PACSIN1: variants seen among roughly 807,000 people sequenced by gnomAD.
PACSIN1 encodes protein kinase C and casein kinase substrate in neurons 1, also known as protein kinase C and casein kinase substrate in neurons protein 1.
In PACSIN1, 15 loss-of-function variants were observed where a neutral mutation model predicts 59.5. That is an observed-to-expected ratio of 0.25 (90% CI 0.17 to 0.39). PACSIN1 has a LOEUF of 0.39. Among genes scored for constraint, PACSIN1 ranks in the 10% least tolerant of loss-of-function variants. PACSIN1 has a pLI of 1.00. For missense variants in PACSIN1, 420 were observed against 580.2 expected, an observed-to-expected ratio of 0.72 and a Z score of 2.84; for synonymous variants, 210 against 220.6, an observed-to-expected ratio of 0.95 and a Z score of 0.42.
intron 1 of PACSIN1, among the ~76,000 whole-genome samples, chr6:34,519,920 C>T (rs1376602552): frequency 1.3e-5 from 2 of 152,114 alleles, no homozygotes; most frequent in African/African-American, 4.8e-5. Flanking sequence ...CACTCCTGAA[C>T]CAGCAAGACT....
At chr6:34,468,507 C>G (rs1766527940) in intron 1 of PACSIN1, among the ~76,000 whole-genome samples, 1 of 152,242 alleles carries the variant, frequency 6.6e-6, no homozygotes, top group Non-Finnish European at 1.5e-5. Flanking sequence ...CCACCATTCC[C>G]ACACCCAGGC....
Position 34,529,987 on chromosome 6 carries a change from G to C in PACSIN1, c.788+146G>C. On this transcript the variant is annotated intron_variant, in intron 6 of 9. Coordinates refer to ENST00000244458, the MANE Select transcript of PACSIN1 (RefSeq NM_020804.5). The surrounding 1 kb of genome is among the most constrained non-coding windows in gnomAD (Gnocchi z 6.3). ...AAGAAGGATGAGGCTTCAAACACAGGGGCTGTTGAGTGCAAGCTGACGCAC... is the reference window on the plus strand; with the variant it reads ...AAGAAGGATGAGGCTTCAAACACAGCGGCTGTTGAGTGCAAGCTGACGCAC... 1.0e-6 allele frequency: 1 copy of C among 1,003,108 alleles called. No homozygotes were observed. Among genetic ancestry groups the C allele is most frequent in the Non-Finnish European group, 1.5e-6 (1 of 686,966 alleles). 62.1% of individuals were successfully genotyped at this position (1,003,108 alleles called of 1,614,324 possible).
At chr6:34,491,951 T>C (rs2127253204) in intron 1 of PACSIN1, among the ~76,000 whole-genome samples, 1 of 152,282 alleles carries the variant, frequency 6.6e-6, no homozygotes, top group Non-Finnish European at 1.5e-5. Context: ...TTCCCTTTTT[T>C]TGCTATTGTG....
intron 1 of PACSIN1, among the ~76,000 whole-genome samples, chr6:34,470,475 G>C (rs1359770249): frequency 6.6e-6 from 1 of 151,792 alleles, no homozygotes; most frequent in Non-Finnish European, 1.5e-5. Context: ...CACCGCACCT[G>C]GCCTACCTTG....
At chr6:34,472,014 T>C (rs1433352911) in intron 1 of PACSIN1, among the ~76,000 whole-genome samples, 1 of 152,096 alleles carries the variant, frequency 6.6e-6, no homozygotes, top group African/African-American at 2.4e-5. Context: ...CACGTACTGA[T>C]AAGTTAAAGC....
In PACSIN1 at chr6:34,518,116, G is replaced by A. The variant is rs1320821380; in HGVS notation, c.-63-8127G>A. Among the ~76,000 whole-genome samples the A allele has an allele frequency of 2.6e-5, 4 of 152,202 alleles. No individual in the cohort carries two copies. The highest frequency in any genetic ancestry group is 5.9e-5 in the Non-Finnish European group (4 of 68,038). ...TCTTCCTTTTCTCCAATCCAGCTGT[G>A]ACCAGAGCTGCTCTGCCCGGCCAGG... is the stretch of plus-strand genomic sequence containing the variant. On this transcript the variant is annotated intron_variant, in intron 1 of 9. Transcript: ENST00000244458. The surrounding 1 kb of genome is among the most constrained non-coding windows in gnomAD (Gnocchi z 4.4).
intron 1 of PACSIN1, among the ~76,000 whole-genome samples, chr6:34,519,418 A>G (rs1219190936): frequency 6.6e-6 from 1 of 152,162 alleles, no homozygotes; most frequent in Non-Finnish European, 1.5e-5. Flanking sequence ...ATGGAGGTCC[A>G]GGGGACTGGT....
rs369607459 is a variant in PACSIN1, at chr6:34,467,652, G to A, written c.-64+1382G>A. ...CAGCTCACCGCAACCTCTGCCTCCC[G>A]GGTTCAAGCGATTCTCCTGCCTCAG... is the stretch of plus-strand genomic sequence containing the variant. On this transcript the variant is annotated intron_variant, in intron 1 of 9. Coordinates refer to ENST00000244458, the MANE Select transcript of PACSIN1 (RefSeq NM_020804.5). 4.9e-5 allele frequency among the ~76,000 whole-genome samples: 7 copies of A among 142,292 alleles called. No homozygotes were observed. The East Asian group carries it at 8.9e-4, about 18-fold the overall frequency. The allele number at this position is 142,292 out of a possible 152,430, so 93.3% of individuals were successfully genotyped here.
chr6:34,466,410 G>A (rs1342978335), intron 1 of PACSIN1, 140 bp downstream of exon 1: 1 of 152,570 alleles, frequency 6.6e-6, no homozygotes, highest in Non-Finnish European at 1.5e-5. Context: ...GTTGCCTGGA[G>A]AGAAGCGGGT....
chr6:34,469,822 G>A (rs1766547070), intron 1 of PACSIN1, among the ~76,000 whole-genome samples: 2 of 152,362 alleles, frequency 1.3e-5, no homozygotes, highest in South Asian at 2.1e-4. Context: ...GGGCTGAAGG[G>A]ACAAGATCAA....
intron 2 of PACSIN1, 139 bp from the exon 3 acceptor site, chr6:34,527,187 GGGGGGC>G (rs1185214494): frequency 8.4e-6 from 7 of 833,086 alleles, no homozygotes; most frequent in Non-Finnish European, 1.0e-5. Context: ...GCCGCGGGGC[GGGGGGC>G]GGGGGCGGGG....
intron 1 of PACSIN1, among the ~76,000 whole-genome samples, chr6:34,470,337 C>T (rs1400528787): frequency 6.6e-6 from 1 of 151,776 alleles, no homozygotes; most frequent in African/African-American, 2.4e-5. Flanking sequence ...CCCACCACCA[C>T]GCCCGGCTAA....
At chr6:34,475,719 T>C (rs996833210) in intron 1 of PACSIN1, among the ~76,000 whole-genome samples, 2 of 152,208 alleles carry the variant, frequency 1.3e-5, no homozygotes, top group Admixed American at 6.5e-5. Flanking sequence ...TGCTGAGAGA[T>C]GGGTACCCCA....
At position 34,521,511 on chromosome 6, in the gene PACSIN1, CTCCT is replaced by C. The variant is rs1312980125; in HGVS notation, c.-63-4730_-63-4727del. Reference sequence around the variant, plus strand: ...AGGAGAGATGCCCTCCACGCTGGGGCTCCTTTGTCACTGAGGCCGCCATTACAGA... The same window carrying C: ...AGGAGAGATGCCCTCCACGCTGGGGCTTGTCACTGAGGCCGCCATTACAGA... On this transcript the variant is annotated intron_variant, in intron 1 of 9. Transcript: ENST00000244458. The surrounding 1 kb of genome is among the most constrained non-coding windows in gnomAD (Gnocchi z 4.3). Among the ~76,000 whole-genome samples, 1 of 152,202 alleles carries C rather than the reference CTCCT, an allele frequency of 6.6e-6. No individual in the cohort carries two copies. The highest frequency in any genetic ancestry group is 1.5e-5 in the Non-Finnish European group (1 of 68,040).
At chr6:34,527,607 A>AT in intron 3 of PACSIN1, 119 bp downstream of exon 3, 1 of 883,036 alleles carries the variant, frequency 1.1e-6, no homozygotes, top group Non-Finnish European at 1.6e-6. Flanking sequence ...GACACAGGAC[A>AT]TTTTCAGGCG....
At chr6:34,527,186 C>T in intron 2 of PACSIN1, 146 bp from the exon 3 acceptor site, 1 of 664,848 alleles carries the variant, frequency 1.5e-6, no homozygotes, top group Non-Finnish European at 1.9e-6. Context: ...CGCCGCGGGG[C>T]GGGGGGCGGG....
rs1436335298 is a variant in PACSIN1 at position 34,515,160 on chromosome 6, C to T, written c.-63-11083C>T. 6.6e-6 allele frequency: 1 copy of T among 152,568 alleles called. No homozygotes were observed. Among genetic ancestry groups the T allele is most frequent in the African/African-American group, 2.4e-5 (1 of 41,474 alleles). 9.5% of individuals were successfully genotyped at this position (152,568 alleles called of 1,614,324 possible). A position where few individuals can be genotyped will look rare whatever the true frequency, so the allele number is the denominator to read the frequency against. Reference sequence around the variant, plus strand: ...CCAGCGGCACCTGATAGGAGCCAAACAGGCCAGCTGGAGGGGCCGGGCCAG... The same window carrying T: ...CCAGCGGCACCTGATAGGAGCCAAATAGGCCAGCTGGAGGGGCCGGGCCAG... On this transcript the variant is annotated intron_variant, in intron 1 of 9. Coordinates refer to ENST00000244458, the MANE Select transcript of PACSIN1 (RefSeq NM_020804.5). This position sits in a 1 kb window ranked among gnomAD's most constrained non-coding sequence, Gnocchi z 4.4.
At chr6:34,509,813 T>G (rs1171173297) in intron 1 of PACSIN1, among the ~76,000 whole-genome samples, 2 of 152,136 alleles carry the variant, frequency 1.3e-5, no homozygotes, top group Admixed American at 6.5e-5. Context: ...TTTTATTCTT[T>G]TTTGATGTTA....
intron 1 of PACSIN1, among the ~76,000 whole-genome samples, chr6:34,473,178 A>G (rs1237308139): frequency 3.7e-5 from 5 of 136,612 alleles, no homozygotes; most frequent in Non-Finnish European, 7.6e-5. Context: ...TGTCTTCTGC[A>G]GAAGGCAGAC....
Sources: gnomAD v4.1 joint callset for allele counts (sites outside exome capture counted in the v4.1 genomes callset) on GRCh38, gnomAD v4.1.1 for gene constraint, Gnocchi (gnomAD v3.1) non-coding constraint, MANE v1.5 for transcripts, NCBI Gene and HGNC (gene_info 2026-07-23, HGNC 2026-07-21) for gene names.